TAFA5: variants seen among roughly 807,000 people sequenced by gnomAD.
TAFA5 encodes the protein chemokine-like protein TAFA-5.
A neutral mutation model predicts 15.3 loss-of-function variants in TAFA5; 6 were observed. That is an observed-to-expected ratio of 0.39 (90% CI 0.21 to 0.77). TAFA5 has a LOEUF of 0.77. Among genes scored for constraint, TAFA5 ranks in the 30% least tolerant of loss-of-function variants. TAFA5 has a pLI of 0.41. For missense variants in TAFA5, 161 were observed against 193.1 expected, an observed-to-expected ratio of 0.83 and a Z score of 0.98; for synonymous variants, 103 against 80.7, an observed-to-expected ratio of 1.28 and a Z score of -1.48.
chr22:48,591,851 CACG>C (rs1924580094), intron 1 of TAFA5, among the ~76,000 whole-genome samples: 1 of 152,218 alleles, frequency 6.6e-6, no homozygotes, highest in Non-Finnish European at 1.5e-5. Flanking sequence ...CGACCTCCCC[CACG>C]GAGTCTCCCT....
intron 1 of TAFA5, among the ~76,000 whole-genome samples, chr22:48,637,929 A>G (rs1012040217): frequency 6.6e-6 from 1 of 152,028 alleles, no homozygotes; most frequent in Non-Finnish European, 1.5e-5. Context: ...CAGATTTGGG[A>G]CCTGGGATCC....
chr22:48,660,130 G>A (rs1466288939), intron 2 of TAFA5, among the ~76,000 whole-genome samples: 1 of 152,074 alleles, frequency 6.6e-6, no homozygotes, highest in Non-Finnish European at 1.5e-5. Flanking sequence ...CTCAAGGGCT[G>A]TCCCCCCAAA....
chr22:48,751,559 CATTT>C lies in TAFA5; in HGVS notation c.*1718_*1721del, dbSNP rs1403796426. ...TAGACTGAAGATACGAAAGAAAATC[CATTT>C]ATTTAAGACCTGTTCCGGTATCCAT... is the stretch of plus-strand genomic sequence containing the variant. On this transcript the variant is annotated 3_prime_UTR_variant, in exon 4 of 4. Transcript: ENST00000402357. 1 of 152,364 alleles carries C rather than the reference CATTT, an allele frequency of 6.6e-6. No individual in the cohort carries two copies. Among genetic ancestry groups the C allele is most frequent in the Non-Finnish European group, 1.5e-5 (1 of 68,030 alleles). The allele number at this position is 152,364 out of a possible 1,614,324, so 9.4% of individuals were successfully genotyped here.
intron 1 of TAFA5, among the ~76,000 whole-genome samples, chr22:48,602,727 G>A (rs1925019804): frequency 1.3e-5 from 2 of 152,188 alleles, no homozygotes; most frequent in African/African-American, 4.8e-5. Context: ...GGACTGTGTG[G>A]CCTTGAAGTG....
intron 1 of TAFA5, among the ~76,000 whole-genome samples, chr22:48,528,892 C>A (rs1214405002): frequency 6.6e-6 from 1 of 152,134 alleles, no homozygotes; most frequent in East Asian, 1.9e-4. Flanking sequence ...GAGACACAGT[C>A]CCATTGTAAC....
chr22:48,636,984 G>A (rs1926473537), intron 1 of TAFA5, among the ~76,000 whole-genome samples: 1 of 152,232 alleles, frequency 6.6e-6, no homozygotes, highest in African/African-American at 2.4e-5. Context: ...TGGGCAGTAG[G>A]GGCCCAAGTG....
Position 48,663,677 on chromosome 22 carries a change from A to C in TAFA5, c.262+16931A>C, listed in dbSNP as rs143149583. Among the ~76,000 whole-genome samples, 1,342 of 152,342 alleles carry C rather than the reference A, an allele frequency of 8.8e-3. 21 individuals carry two copies. Among genetic ancestry groups the C allele is most frequent in the African/African-American group, 0.031 (1,284 of 41,578 alleles). The stretch of plus-strand genomic sequence containing the variant: ...AAGTTTTAAATTGCACGTCATTCTG[A>C]GTAGCATGACAAAAATTTTGCGCCA... On this transcript the variant is annotated intron_variant, in intron 2 of 3. Coordinates refer to ENST00000402357, the MANE Select transcript of TAFA5 (RefSeq NM_001082967.3).
At chr22:48,650,295 G>A (rs1342015531) in intron 2 of TAFA5, among the ~76,000 whole-genome samples, 1 of 152,176 alleles carries the variant, frequency 6.6e-6, no homozygotes, top group Non-Finnish European at 1.5e-5. Flanking sequence ...TTGTCCATTG[G>A]TCGGTTTCTT....
chr22:48,688,125 C>A (rs369179840), intron 2 of TAFA5, among the ~76,000 whole-genome samples: 14 of 150,302 alleles, frequency 9.3e-5, no homozygotes, highest in Middle Eastern at 3.4e-3. Context: ...TCTCTCTCAT[C>A]TAATTTGATG....
chr22:48,492,701 G>T (rs1928197846), intron 1 of TAFA5, among the ~76,000 whole-genome samples: 1 of 152,212 alleles, frequency 6.6e-6, no homozygotes, highest in Non-Finnish European at 1.5e-5. Context: ...ACTTTAAAAT[G>T]CATGCTCGGT....
intron 3 of TAFA5, among the ~76,000 whole-genome samples, chr22:48,718,514 G>A (rs904263297): frequency 2.0e-5 from 3 of 152,082 alleles, no homozygotes; most frequent in East Asian, 1.9e-4. Context: ...CCTCCCGTGC[G>A]ACCTGTGTCT....
intron 3 of TAFA5, among the ~76,000 whole-genome samples, chr22:48,730,133 C>T (rs1929828749): frequency 6.6e-6 from 1 of 152,102 alleles, no homozygotes; most frequent in African/African-American, 2.4e-5. Flanking sequence ...GCCTGTAATC[C>T]CAGCACTTTG....
intron 1 of TAFA5, among the ~76,000 whole-genome samples, chr22:48,567,031 C>G (rs940181712): frequency 2.0e-5 from 3 of 152,212 alleles, no homozygotes; most frequent in African/African-American, 7.2e-5. Context: ...CGCTGTTCCA[C>G]TTGTGGAGGG....
chr22:48,599,545 A>T lies in TAFA5; in HGVS notation c.113-47052A>T, dbSNP rs76765174. Among the ~76,000 whole-genome samples, 980 of 152,348 alleles carry T rather than the reference A, an allele frequency of 6.4e-3. 82 individuals carry two copies. In the East Asian group the frequency reaches 0.16, roughly 25 times the overall value. ...CAGAGAGAGCGTGACTGCAGGGCAG[A>T]ACCAGCATCCCTCACAAGCCAGGGA... On this transcript the variant is annotated intron_variant, in intron 1 of 3. Transcript: ENST00000402357.
At chr22:48,606,098 C>G (rs571681614) in intron 1 of TAFA5, among the ~76,000 whole-genome samples, 2 of 152,286 alleles carry the variant, frequency 1.3e-5, no homozygotes, top group South Asian at 4.1e-4. Context: ...CACGTGACTG[C>G]TGGTGCACCT....
In TAFA5 at chr22:48,749,879, G is replaced by A. The variant is rs202158325; in HGVS notation, c.*32G>A. ...CAGCCCCTGAGGGGCCCCGGGAGTG[G>A]CCTTGGCTCCCTGGAGAGCCCACGT... On this transcript the variant is annotated 3_prime_UTR_variant, in exon 4 of 4. Transcript: ENST00000402357. 5.2e-5 allele frequency: 81 copies of A among 1,551,804 alleles called. No individual in the cohort carries two copies. Among genetic ancestry groups the A allele is most frequent in the Non-Finnish European group, 6.9e-5 (79 of 1,146,822 alleles).
chr22:48,623,845 T>G (rs1384165418), intron 1 of TAFA5, among the ~76,000 whole-genome samples: 1 of 152,270 alleles, frequency 6.6e-6, no homozygotes, highest in African/African-American at 2.4e-5. Flanking sequence ...TTGAAGGCAG[T>G]TCAGAACGTT....
chr22:48,606,190 C>T (rs543196639), intron 1 of TAFA5, among the ~76,000 whole-genome samples: 7 of 152,290 alleles, frequency 4.6e-5, no homozygotes, highest in Admixed American at 3.9e-4. Flanking sequence ...TGTACCAAAC[C>T]CTGGGACCCC....
intron 2 of TAFA5, among the ~76,000 whole-genome samples, chr22:48,650,740 A>G (rs565447086): frequency 1.7e-4 from 26 of 152,140 alleles, no homozygotes; most frequent in African/African-American, 5.8e-4. Flanking sequence ...GAAAGATTCA[A>G]ACACAAACCA....
Sources: allele counts gnomAD v4.1 joint callset (sites outside exome capture counted in the v4.1 genomes callset), GRCh38; gene constraint gnomAD v4.1.1; transcripts MANE v1.5; gene names NCBI Gene and HGNC (gene_info 2026-07-23, HGNC 2026-07-21).